Variants in LOC400499 observed in about 807,000 individuals in gnomAD.
chr16:11,376,405 T>A, the LOC400499 span, among the ~76,000 whole-genome samples: 6 of 152,214 alleles, frequency 3.9e-5, no homozygotes, highest in South Asian at 1.2e-3. Flanking sequence ...TTCATTCTTT[T>A]GCATGTGGAT....
At chr16:11,469,577 T>C in the LOC400499 span, 15 of 399,028 alleles carry the variant, frequency 3.8e-5, no homozygotes, top group African/African-American at 1.8e-4. Flanking sequence ...AAGCTGTAGC[T>C]CATGTCCACC....
the LOC400499 span, among the ~76,000 whole-genome samples, chr16:11,448,515 A>AAAAC: frequency 5.3e-4 from 30 of 56,150 alleles, no homozygotes; most frequent in African/African-American, 1.3e-3. Context: ...CGTGTCTGCT[A>AAAAC]AAACAAACAA....
the LOC400499 span, among the ~76,000 whole-genome samples, chr16:11,497,280 T>A: frequency 6.6e-6 from 1 of 152,212 alleles, no homozygotes; most frequent in Non-Finnish European, 1.5e-5. Flanking sequence ...CACTGCATAT[T>A]TTCTTTGTGA....
chr16:11,449,751 C>T, the LOC400499 span, among the ~76,000 whole-genome samples: 8 of 152,380 alleles, frequency 5.3e-5, no homozygotes, highest in East Asian at 1.9e-4. Flanking sequence ...TCCCCATTTC[C>T]TAGAATGGCA....
chr16:11,479,223 G>A, the LOC400499 span, among the ~76,000 whole-genome samples: 1 of 152,180 alleles, frequency 6.6e-6, no homozygotes, highest in African/African-American at 2.4e-5. Flanking sequence ...AACCCCAGAT[G>A]TGTTTTCTCT....
At chr16:11,414,553 C>T in the LOC400499 span, 235 of 399,438 alleles carry the variant, frequency 5.9e-4, 1 homozygote, top group African/African-American at 4.5e-3. Context: ...AGCTTCACCT[C>T]CCTTCCCAGC....
At chr16:11,453,189 T>C in the LOC400499 span, among the ~76,000 whole-genome samples, 1 of 152,194 alleles carries the variant, frequency 6.6e-6, no homozygotes, top group East Asian at 1.9e-4. Flanking sequence ...ACTCGAAGTT[T>C]CATAAAAGGA....
At chr16:11,399,472 C>G in the LOC400499 span, 1 of 399,522 alleles carries the variant, frequency 2.5e-6, no homozygotes, top group East Asian at 3.6e-5. Flanking sequence ...CTGACCTCAC[C>G]TCGTAGGTCA....
the LOC400499 span, among the ~76,000 whole-genome samples, chr16:11,499,650 C>G: frequency 6.6e-6 from 1 of 152,122 alleles, no homozygotes; most frequent in Non-Finnish European, 1.5e-5. Flanking sequence ...GCTGGACCAG[C>G]TCCAGGGGCT....
chr16:11,412,760 C>T, the LOC400499 span: 2 of 397,666 alleles, frequency 5.0e-6, no homozygotes, highest in Admixed American at 8.8e-5. Flanking sequence ...TTGAGAGGTG[C>T]TGTGTCCAGC....
At chr16:11,460,509 G>A in the LOC400499 span, 2 of 1,533,796 alleles carry the variant, frequency 1.3e-6, no homozygotes, top group Non-Finnish European at 1.7e-6. Context: ...TGTGTGCAGT[G>A]GAGCTCGTGG....
chr16:11,434,775 C>T, the LOC400499 span, among the ~76,000 whole-genome samples: 1 of 152,140 alleles, frequency 6.6e-6, no homozygotes, highest in East Asian at 1.9e-4. Flanking sequence ...AACTGAGGCA[C>T]AGAAGGGCGA....
the LOC400499 span, among the ~76,000 whole-genome samples, chr16:11,384,663 C>T: frequency 6.6e-6 from 1 of 152,226 alleles, no homozygotes; most frequent in Non-Finnish European, 1.5e-5. Flanking sequence ...CCGCGTGTCC[C>T]ACGGATGGGA....
the LOC400499 span, among the ~76,000 whole-genome samples, chr16:11,511,708 C>A: frequency 2.6e-5 from 4 of 152,114 alleles, no homozygotes; most frequent in Non-Finnish European, 5.9e-5. Flanking sequence ...CACAAGGTTT[C>A]TTTTTAGAGT....
the LOC400499 span, among the ~76,000 whole-genome samples, chr16:11,412,076 G>A: frequency 1.1e-4 from 17 of 152,038 alleles, no homozygotes; most frequent in Non-Finnish European, 2.2e-4. Flanking sequence ...TGTTGCCCAG[G>A]TTGGCCTCGA....
At chr16:11,385,831 C>T in the LOC400499 span, among the ~76,000 whole-genome samples, 1 of 152,160 alleles carries the variant, frequency 6.6e-6, no homozygotes, top group East Asian at 1.9e-4. Context: ...TGTGGTGATG[C>T]AGGCACAACT....
At chr16:11,404,996 A>C in the LOC400499 span, 1 of 396,714 alleles carries the variant, frequency 2.5e-6, no homozygotes. Context: ...GAATGGTGAC[A>C]TATGTCAGGG....
At chr16:11,379,952 T>C in the LOC400499 span, among the ~76,000 whole-genome samples, 2 of 152,168 alleles carry the variant, frequency 1.3e-5, no homozygotes, top group African/African-American at 4.8e-5. Flanking sequence ...ATGTTGTTGA[T>C]ATCACAAAGT....
At chr16:11,373,111 G>C in the LOC400499 span, among the ~76,000 whole-genome samples, 2 of 152,226 alleles carry the variant, frequency 1.3e-5, no homozygotes, top group Non-Finnish European at 2.9e-5. Flanking sequence ...ACGATGCTTT[G>C]AGAGCTCAGG....
Sources: allele counts gnomAD v4.1 joint callset (sites outside exome capture counted in the v4.1 genomes callset), GRCh38; gene constraint gnomAD v4.1.1; transcripts MANE v1.5.